UGT3A1: variants seen among roughly 807,000 people sequenced by gnomAD.
UGT3A1 encodes UDP-glycosyltransferase 3A1.
UGT3A1 carries 40 observed loss-of-function variants against 37.6 expected under a neutral mutation model. That is an observed-to-expected ratio of 1.06 (90% CI 0.83 to 1.38). The LOEUF (loss-of-function observed/expected upper bound fraction) is 1.38, where lower values mean the gene tolerates loss of function less well. Ranked by LOEUF, UGT3A1 falls within the 40% of genes most tolerant of loss-of-function variation. The pLI, the probability that UGT3A1 is intolerant of heterozygous loss-of-function variation, is 0.00. For missense variants in UGT3A1, 642 were observed against 634.2 expected (o/e 1.01, Z -0.13); for synonymous variants, 256 against 232.3 (o/e 1.10, Z -0.93).
intron 2 of UGT3A1, among the ~76,000 whole-genome samples, chr5:35,988,126 A>C (rs1740795957): frequency 6.6e-6 from 1 of 152,250 alleles, no homozygotes; most frequent in Non-Finnish European, 1.5e-5. Context: ...AAATATGGCT[A>C]AACATTTCTG....
chr5:35,998,271 A>C (rs1014904135), intron 1 of UGT3A1, among the ~76,000 whole-genome samples: 1 of 152,234 alleles, frequency 6.6e-6, no homozygotes, highest in African/African-American at 2.4e-5. Context: ...CATGGTGATT[A>C]TCAGAGACCT....
intron 2 of UGT3A1, among the ~76,000 whole-genome samples, chr5:35,985,489 G>C (rs562259024): frequency 1.3e-4 from 20 of 152,076 alleles, no homozygotes; most frequent in African/African-American, 4.1e-4. Context: ...AAATCAGCAC[G>C]GTACTGGCAT....
At chr5:35,979,608 TC>T (rs1219372303) in intron 2 of UGT3A1, among the ~76,000 whole-genome samples, 2 of 152,198 alleles carry the variant, frequency 1.3e-5, no homozygotes, top group Non-Finnish European at 2.9e-5. Flanking sequence ...TTCCAAACTT[TC>T]CCACATCTTC....
chr5:35,968,641 C>T (rs899405400), intron 2 of UGT3A1, among the ~76,000 whole-genome samples: 1 of 152,154 alleles, frequency 6.6e-6, no homozygotes, highest in Admixed American at 6.5e-5. Flanking sequence ...CCCCTTCATT[C>T]TACTTACCAG....
rs748129717 is a variant in UGT3A1, at chr5:35,991,354, G to A, written c.-114C>T. The A allele has an allele frequency of 3.5e-4, 535 of 1,515,398 alleles. No individual in the cohort carries two copies. Among genetic ancestry groups the A allele is most frequent in the Non-Finnish European group, 4.1e-4 (469 of 1,133,602 alleles). 93.9% of individuals were successfully genotyped at this position (1,515,398 alleles called of 1,614,324 possible). A position where few individuals can be genotyped will look rare whatever the true frequency, so the allele number is the denominator to read the frequency against. ...GGCACTGGCTGTGGGCCTAGGAAGA[G>A]GTAGGAGACGGATCCTGCCAATTCT... On this transcript the variant is annotated 5_prime_UTR_variant, in exon 1 of 7. Coordinates refer to ENST00000274278, the MANE Select transcript of UGT3A1 (RefSeq NM_152404.4).
rs1304901473 is a variant in UGT3A1 at position 35,955,952 on chromosome 5, A to G, written c.1076-88T>C. The G allele has an allele frequency of 6.9e-6, 9 of 1,309,106 alleles. No individual in the cohort carries two copies. In the African/African-American group the frequency reaches 8.8e-5, roughly 13 times the overall value. 81.1% of individuals were successfully genotyped at this position (1,309,106 alleles called of 1,614,324 possible). ...AGCAGAAAAGTCAGATGAAACACCA[A>G]TGAAATCAAGGTCTGTTGAGAAAAT... On this transcript the variant is annotated intron_variant, in intron 5 of 6. Transcript: ENST00000274278.
chr5:35,986,102 C>A (rs533893095), intron 2 of UGT3A1, among the ~76,000 whole-genome samples: 10 of 152,090 alleles, frequency 6.6e-5, no homozygotes, highest in African/African-American at 2.4e-4. Flanking sequence ...ATTATTTATC[C>A]TCAGAAAAAT....
At chr5:35,982,885 C>T (rs1370281019) in intron 2 of UGT3A1, among the ~76,000 whole-genome samples, 1 of 152,140 alleles carries the variant, frequency 6.6e-6, no homozygotes, top group East Asian at 1.9e-4. Context: ...TCCCCTTGCT[C>T]TTCTTTTGAC....
At chr5:35,979,867 G>A (rs1740448467) in intron 2 of UGT3A1, among the ~76,000 whole-genome samples, 1 of 152,214 alleles carries the variant, frequency 6.6e-6, no homozygotes, top group South Asian at 2.1e-4. Context: ...GCAGAAGGCA[G>A]AAGGCATGTC....
At chr5:35,970,051 G>A (rs1307551372) in intron 2 of UGT3A1, among the ~76,000 whole-genome samples, 1 of 152,136 alleles carries the variant, frequency 6.6e-6, no homozygotes, top group Non-Finnish European at 1.5e-5. Context: ...GGTGGCAGCA[G>A]GCAAAGAGAG....
chr5:35,961,743 T>C (rs1470116068), intron 4 of UGT3A1: 1 of 152,230 alleles, frequency 6.6e-6, no homozygotes, highest in Non-Finnish European at 1.5e-5. Flanking sequence ...AAGTATTATC[T>C]GGTCCCAGGG....
chr5:35,974,155 C>T (rs1740163610), intron 2 of UGT3A1, among the ~76,000 whole-genome samples: 1 of 152,096 alleles, frequency 6.6e-6, no homozygotes, highest in African/African-American at 2.4e-5. Context: ...CCAGCTTTCT[C>T]CAAAGGAACC....
intron 1 of UGT3A1, chr5:35,997,401 C>A (rs7725498): frequency 0.21 from 32,092 of 151,516 alleles, 3,426 homozygotes; most frequent in Middle Eastern, 0.23. Context: ...TTACTTTTCC[C>A]AAATATTAAA....
intron 1 of UGT3A1, 28 bp from the exon 2 acceptor site, chr5:35,988,579 A>G: frequency 6.4e-7 from 1 of 1,551,090 alleles, no homozygotes; most frequent in Non-Finnish European, 8.8e-7. Flanking sequence ...TGTCTTTTGT[A>G]AAGATGAAAA....
intron 2 of UGT3A1, among the ~76,000 whole-genome samples, chr5:35,986,947 A>G (rs986871281): frequency 6.6e-6 from 1 of 152,152 alleles, no homozygotes; most frequent in African/African-American, 2.4e-5. Flanking sequence ...AAATATGTAC[A>G]TCTATTATGC....
At chr5:35,993,531 C>T (rs1290938192), upstream of UGT3A1, among the ~76,000 whole-genome samples, 2 of 152,162 alleles carry the variant, frequency 1.3e-5, no homozygotes, top group Admixed American at 6.5e-5. Context: ...CTACCCACCC[C>T]TTACATGAAA....
chr5:35,965,788 A>C lies in UGT3A1; in HGVS notation c.441T>G (p.Phe147Leu), dbSNP rs750930702. Residue 147 changes from phenylalanine to leucine, a missense_variant, in exon 4 of 7, where the codon TTT becomes TTG. Phe to Leu is a conservative substitution (Grantham distance 22). Transcript: ENST00000274278. The stretch of plus-strand genomic sequence containing the variant: ...CAGCAATCAGGAAAGAACAGAAATC[A>C]AATGCTTCAACAAATACCAGATCAT... ...ENYDLVFVEA[F>L]DFCSFLIAEK... 1 of 1,614,232 alleles carries C rather than the reference A, an allele frequency of 6.2e-7. No individual in the cohort carries two copies. Among genetic ancestry groups the C allele is most frequent in the South Asian group, 1.1e-5 (1 of 91,090 alleles).
chr5:35,955,749 G>C lies in UGT3A1; in HGVS notation c.1191C>G (p.Asn397Lys), dbSNP rs371955454. 5.7e-5 allele frequency: 92 copies of C among 1,614,092 alleles called. No homozygotes were observed. The highest frequency in any genetic ancestry group is 7.5e-5 in the Non-Finnish European group (89 of 1,180,054). The change falls in exon 6 of 7, where the codon AAC becomes AAG. Residue 397 changes from asparagine to lysine, a missense_variant. Transcript: ENST00000274278. ...GLPVNGDQHG[N>K]MVRVVAKNYG... ...AATTTTTGGCTACTACTCGGACCAT[G>C]TTTCCATGCTGGTCTCCATTGACTG... is the stretch of plus-strand genomic sequence containing the variant.
chr5:35,990,000 G>A (rs1300294799), intron 1 of UGT3A1, among the ~76,000 whole-genome samples: 2 of 151,922 alleles, frequency 1.3e-5, no homozygotes, highest in African/African-American at 4.8e-5. Flanking sequence ...GCTGAGGCAG[G>A]AGAATGGCGT....
Sources: gnomAD v4.1 joint callset for allele counts (sites outside exome capture counted in the v4.1 genomes callset) on GRCh38, gnomAD v4.1.1 for gene constraint, MANE v1.5 for transcripts, NCBI Gene and HGNC (gene_info 2026-07-23, HGNC 2026-07-21) for gene names.